The following MAP1B variants were observed in gnomAD, a reference collection of about 807,000 sequenced individuals.
The protein encoded by MAP1B is microtubule-associated protein 1B.
A neutral mutation model predicts 176.1 loss-of-function variants in MAP1B; 12 were observed. That is an observed-to-expected ratio of 0.07 (90% confidence interval 0.04 to 0.11). MAP1B has a LOEUF of 0.11. MAP1B is among the 10% of genes least tolerant of loss of function. The probability of loss-of-function intolerance (pLI) is 1.00; values close to 1 mark genes in which losing one functional copy is unlikely to be tolerated. For missense variants in MAP1B, 2,523 were observed against 2,990.5 expected, an observed-to-expected ratio of 0.84 and a Z score of 3.65; for synonymous variants, 1,044 against 1,135.0, an observed-to-expected ratio of 0.92 and a Z score of 1.61.
intron 2 of MAP1B, among the ~76,000 whole-genome samples, chr5:72,183,148 C>A (rs776303846): frequency 2.6e-5 from 4 of 152,208 alleles, no homozygotes; most frequent in Non-Finnish European, 5.9e-5. Flanking sequence ...CACCCTGTTT[C>A]ATGGGAGGGT....
In MAP1B at chr5:72,206,248, TA is replaced by T. The variant is rs1480052805; in HGVS notation, c.*1013del. ...TTTTTAATGTGAGACAGCAAGTTTATAAAACATCCATATAGGATTATAGATA... is the reference window on the plus strand; with the variant it reads ...TTTTTAATGTGAGACAGCAAGTTTATAAACATCCATATAGGATTATAGATA... On this transcript the variant is annotated 3_prime_UTR_variant, in exon 7 of 7. Coordinates refer to ENST00000296755, the MANE Select transcript of MAP1B (RefSeq NM_005909.5). 2 of 152,662 alleles carry T rather than the reference TA, an allele frequency of 1.3e-5. No individual in the cohort carries two copies. 9.5% of individuals were successfully genotyped at this position (152,662 alleles called of 1,614,324 possible). A position where few individuals can be genotyped will look rare whatever the true frequency, so the allele number is the denominator to read the frequency against.
chr5:72,155,948 G>C (rs574844368), intron 2 of MAP1B, among the ~76,000 whole-genome samples: 10 of 152,070 alleles, frequency 6.6e-5, no homozygotes, highest in Admixed American at 2.0e-4. Flanking sequence ...TGTATTTTTA[G>C]TAGAGACAGG....
intron 2 of MAP1B, among the ~76,000 whole-genome samples, chr5:72,164,239 G>A (rs1004848077): frequency 2.0e-5 from 3 of 151,982 alleles, no homozygotes; most frequent in Non-Finnish European, 4.4e-5. Flanking sequence ...CCTGCTATAA[G>A]ACTTCTAATT....
In MAP1B at chr5:72,195,338, TA is replaced by T; in HGVS notation, c.1988del (p.Lys663ArgfsTer18). On this transcript the variant is annotated frameshift_variant, in exon 5 of 7. Transcript: ENST00000296755. LOFTEE classifies it high-confidence loss of function. ...AAGAAAAGCCAAAGAAAGAAGTGGCTAAAAAGGAGGACAAAACACCTATCAA... is the reference window on the plus strand; with the variant it reads ...AAGAAAAGCCAAAGAAAGAAGTGGCTAAAAGGAGGACAAAACACCTATCAA... ...EKEKPKKEVA[K>X]KEDKTPIKKE... 1 of 1,596,936 alleles carries T rather than the reference TA, an allele frequency of 6.3e-7. No homozygotes were observed. Among genetic ancestry groups the T allele is most frequent in the Non-Finnish European group, 8.5e-7 (1 of 1,174,116 alleles).
chr5:72,130,037 G>A (rs925490571), intron 2 of MAP1B, among the ~76,000 whole-genome samples: 2 of 152,046 alleles, frequency 1.3e-5, no homozygotes, highest in Non-Finnish European at 2.9e-5. Flanking sequence ...TATTGCTAGA[G>A]TCCTTTAGCC....
At chr5:72,152,336 C>T (rs976454495) in intron 2 of MAP1B, among the ~76,000 whole-genome samples, 1 of 152,160 alleles carries the variant, frequency 6.6e-6, no homozygotes, top group Non-Finnish European at 1.5e-5. Flanking sequence ...AACCTGGGGT[C>T]GGACCCCGTT....
At chr5:72,108,545 G>A (rs1417020169) in intron 1 of MAP1B, among the ~76,000 whole-genome samples, 1 of 152,232 alleles carries the variant, frequency 6.6e-6, no homozygotes, top group Non-Finnish European at 1.5e-5. Flanking sequence ...GGCGCGCTCT[G>A]CGGAGGCCGA....
chr5:72,194,912 G>A lies in MAP1B; in HGVS notation c.1557G>A (p.Lys519=). 1 of 1,614,142 alleles carries A rather than the reference G, an allele frequency of 6.2e-7. No homozygotes were observed. The highest frequency in any genetic ancestry group is 8.5e-7 in the Non-Finnish European group (1 of 1,180,022). ...TGAAGCAGCCACTGGCCACCCAAAA[G>A]GATCTCACTGGCCAGGTGCCCACTC... The part of the protein sequence containing the change: ...DFLKQPLATQ[K]DLTGQVPTPV... The change falls in exon 5 of 7, where the codon AAG becomes AAA. Residue 519 remains lysine (K), a synonymous_variant. Transcript: ENST00000296755. The surrounding 1 kb of genome is among the most constrained non-coding windows in gnomAD (Gnocchi z 7.2).
rs114671998 is a variant in MAP1B, at chr5:72,147,795, T to C, written c.286+31996T>C. On this transcript the variant is annotated intron_variant, in intron 2 of 6. Transcript: ENST00000296755. ...ATTTGATGGAGTGGGCTTGGTGGTT[T>C]GTTGCCTGGGAAACTTGCTGACTAT... Among the ~76,000 whole-genome samples the C allele has an allele frequency of 5.9e-3, 900 of 152,308 alleles. 9 individuals carry two copies. Among genetic ancestry groups the C allele is most frequent in the African/African-American group, 0.021 (858 of 41,570 alleles).
At chr5:72,141,082 C>T (rs1006256588) in intron 2 of MAP1B, among the ~76,000 whole-genome samples, 1 of 152,194 alleles carries the variant, frequency 6.6e-6, no homozygotes, top group Non-Finnish European at 1.5e-5. Context: ...GGAGCATTGA[C>T]CAGGCCAGTA....
In MAP1B at chr5:72,204,920, G is replaced by C. The variant is rs1747412971; in HGVS notation, c.7252-164G>C. 6.6e-6 allele frequency among the ~76,000 whole-genome samples: 1 copy of C among 152,072 alleles called. No homozygotes were observed. The highest frequency in any genetic ancestry group is 2.4e-5 in the African/African-American group (1 of 41,388). On this transcript the variant is annotated intron_variant, in intron 6 of 6. Transcript: ENST00000296755. The surrounding 1 kb of genome is among the most constrained non-coding windows in gnomAD (Gnocchi z 4.4). ...TCTTTGCAGCTTTATTCTGGTTCCT[G>C]GAAAATATACATTGAAAAATCCTTT...
Position 72,199,745 on chromosome 5 carries a change from A to T in MAP1B, c.6390A>T (p.Pro2130=), listed in dbSNP as rs1193143021. 1 of 1,614,074 alleles carries T rather than the reference A, an allele frequency of 6.2e-7. No homozygotes were observed. Among genetic ancestry groups the T allele is most frequent in the East Asian group, 2.2e-5 (1 of 44,868 alleles). The change falls in exon 5 of 7, where the codon CCA becomes CCT. Residue 2130 remains proline (P), a synonymous_variant. Coordinates refer to ENST00000296755, the MANE Select transcript of MAP1B (RefSeq NM_005909.5). The surrounding 1 kb of genome is among the most constrained non-coding windows in gnomAD (Gnocchi z 4.2). ...CCCTCACTCAATCAGGGGGAGCCCC[A>T]CCGCCTCCAGGAGGAAAGCAACAGG... ...EKPLTQSGGA[P]PPPGGKQQGR...
At chr5:72,184,229 T>C (rs552895649) in intron 3 of MAP1B, among the ~76,000 whole-genome samples, 1 of 152,292 alleles carries the variant, frequency 6.6e-6, no homozygotes, top group Non-Finnish European at 1.5e-5. Context: ...GGCATCTCAA[T>C]GCAAGCCCCA....
intron 2 of MAP1B, among the ~76,000 whole-genome samples, chr5:72,173,782 G>A (rs960098825): frequency 6.6e-6 from 1 of 152,206 alleles, no homozygotes; most frequent in African/African-American, 2.4e-5. Context: ...CTGAGAAGCA[G>A]TGAGGGACAG....
intron 2 of MAP1B, among the ~76,000 whole-genome samples, chr5:72,125,511 A>G (rs1195735959): frequency 6.6e-6 from 1 of 152,172 alleles, no homozygotes; most frequent in African/African-American, 2.4e-5. Context: ...TTCAGTTCCT[A>G]GCTCTGCAGG....
chr5:72,149,209 A>G lies in MAP1B; in HGVS notation c.286+33410A>G, dbSNP rs118052913. Among the ~76,000 whole-genome samples, 9 of 152,338 alleles carry G rather than the reference A, an allele frequency of 5.9e-5. No homozygotes were observed. In the East Asian group the frequency reaches 1.7e-3, roughly 29 times the overall value. ...TTCTGCTCTTTCTAGATTTTAGAAA[A>G]CTACTAGTTTGGTGCAAAAGTAATT... On this transcript the variant is annotated intron_variant, in intron 2 of 6. Transcript: ENST00000296755.
intron 2 of MAP1B, among the ~76,000 whole-genome samples, chr5:72,152,298 G>T (rs1746155197): frequency 6.6e-6 from 1 of 152,092 alleles, no homozygotes; most frequent in Admixed American, 6.5e-5. Context: ...CTAGCTCTTT[G>T]AAATAAATGG....
chr5:72,148,045 A>T (rs770256147), intron 2 of MAP1B, among the ~76,000 whole-genome samples: 9 of 152,252 alleles, frequency 5.9e-5, no homozygotes, highest in Non-Finnish European at 1.2e-4. Flanking sequence ...ACAATCGATT[A>T]TAAGGCATTA....
intron 2 of MAP1B, among the ~76,000 whole-genome samples, chr5:72,143,379 C>T (rs780840880): frequency 6.6e-6 from 1 of 152,152 alleles, no homozygotes; most frequent in East Asian, 1.9e-4. Context: ...AGAATCCAGC[C>T]TTTTAAAAAC....
Sources: gnomAD v4.1 joint callset for allele counts (sites outside exome capture counted in the v4.1 genomes callset) on GRCh38, gnomAD v4.1.1 for gene constraint, Gnocchi (gnomAD v3.1) non-coding constraint, MANE v1.5 for transcripts, NCBI Gene and HGNC (gene_info 2026-07-23, HGNC 2026-07-21) for gene names.